Variants in GSE1 observed in about 807,000 individuals in gnomAD.
GSE1 encodes genetic suppressor element 1.
Under a neutral mutation model 112.6 loss-of-function variants are expected in GSE1, and 32 were observed. The observed-to-expected ratio is 0.28, with a 90% confidence interval of 0.21 to 0.38. GSE1 has a LOEUF of 0.38. Among genes scored for constraint, GSE1 ranks in the 10% least tolerant of loss-of-function variants. GSE1 has a pLI of 1.00. For missense variants in GSE1, 2,348 were observed against 1,699.2 expected, an observed-to-expected ratio of 1.38 and a Z score of -6.71; for synonymous variants, 1,115 against 735.6, an observed-to-expected ratio of 1.52 and a Z score of -8.35.
chr16:85,417,398 G>A (rs569436135), intron 2 of GSE1, among the ~76,000 whole-genome samples: 28 of 101,520 alleles, frequency 2.8e-4, no homozygotes, highest in African/African-American at 8.4e-4. Context: ...TGGAAGACCC[G>A]AGCTGGAAGA....
intron 1 of GSE1, among the ~76,000 whole-genome samples, chr16:85,614,419 TC>T (rs986388340): frequency 6.6e-6 from 1 of 152,162 alleles, no homozygotes; most frequent in Non-Finnish European, 1.5e-5. Flanking sequence ...CCCCCAGCTT[TC>T]CGCCTCCCCT....
chr16:85,249,613 C>G (rs1256937076), intron 1 of GSE1, among the ~76,000 whole-genome samples: 2 of 152,228 alleles, frequency 1.3e-5, no homozygotes, highest in Non-Finnish European at 2.9e-5. Flanking sequence ...AGGGCAGAGT[C>G]CTGGGTTCCC....
At chr16:85,533,779 C>T (rs566658775) in intron 2 of GSE1, among the ~76,000 whole-genome samples, 7 of 152,168 alleles carry the variant, frequency 4.6e-5, no homozygotes, top group Admixed American at 1.3e-4. Flanking sequence ...GTGGGAGGAT[C>T]GCTTGAGCCC....
At chr16:85,187,138 G>A (rs1219617193) in intron 1 of GSE1, among the ~76,000 whole-genome samples, 1 of 152,234 alleles carries the variant, frequency 6.6e-6, no homozygotes, top group Non-Finnish European at 1.5e-5. Flanking sequence ...CGGCCAGTGG[G>A]AGCGACTCAG....
chr16:85,639,265 C>T (rs1184536579), intron 2 of GSE1, among the ~76,000 whole-genome samples: 1 of 152,226 alleles, frequency 6.6e-6, no homozygotes, highest in Non-Finnish European at 1.5e-5. Flanking sequence ...CCTCGGGTGG[C>T]ACCGGGTCCT....
chr16:85,198,761 A>G (rs1222750687), intron 1 of GSE1, among the ~76,000 whole-genome samples: 3 of 152,024 alleles, frequency 2.0e-5, no homozygotes, highest in Non-Finnish European at 4.4e-5. Flanking sequence ...TTGAGAAAAT[A>G]TGAGCTAGAG....
At chr16:85,182,915 C>T (rs1161153324) in intron 1 of GSE1, among the ~76,000 whole-genome samples, 4 of 152,206 alleles carry the variant, frequency 2.6e-5, no homozygotes, top group Admixed American at 6.5e-5. Flanking sequence ...ACGCACCTTG[C>T]ACCTCCTTCT....
chr16:85,275,207 C>G (rs78878267), intron 1 of GSE1, among the ~76,000 whole-genome samples: 2,640 of 152,316 alleles, frequency 0.017, 79 homozygotes, highest in African/African-American at 0.061. Context: ...ACTCCCAAAC[C>G]ACAGAGGCCT....
chr16:85,327,082 GGTTTGGGCTT>G (rs1221734888), intron 1 of GSE1, among the ~76,000 whole-genome samples: 1 of 152,226 alleles, frequency 6.6e-6, no homozygotes, highest in African/African-American at 2.4e-5. Flanking sequence ...CTGCTAGATT[GGTTTGGGCTT>G]GTTTCTTTCC....
At chr16:85,656,240 T>G in intron 6 of GSE1, 103 bp from the exon 7 acceptor site, 2 of 1,418,358 alleles carry the variant, frequency 1.4e-6, no homozygotes, top group African/African-American at 1.4e-5. Flanking sequence ...CTGTTCAGAT[T>G]AGCGCCCTGG....
intron 1 of GSE1, among the ~76,000 whole-genome samples, chr16:85,560,493 A>C (rs1372945292): frequency 6.6e-6 from 1 of 152,098 alleles, no homozygotes; most frequent in Non-Finnish European, 1.5e-5. Context: ...CCATGGTTGT[A>C]GCGTCTGCCT....
chr16:85,328,023 C>T (rs1318191966), intron 1 of GSE1, among the ~76,000 whole-genome samples: 1 of 152,238 alleles, frequency 6.6e-6, no homozygotes, highest in Admixed American at 6.5e-5. Context: ...AAGTGGACCC[C>T]CAGGTCATGT....
At chr16:85,349,608 C>T (rs957929326) in intron 1 of GSE1, among the ~76,000 whole-genome samples, 3 of 152,104 alleles carry the variant, frequency 2.0e-5, no homozygotes, top group African/African-American at 7.2e-5. Context: ...CTAGCCAATG[C>T]ACACACCCTG....
chr16:85,428,401 C>T (rs1413884473), intron 2 of GSE1, among the ~76,000 whole-genome samples: 2 of 152,244 alleles, frequency 1.3e-5, no homozygotes, highest in Non-Finnish European at 2.9e-5. Flanking sequence ...TCAGCTCTGC[C>T]ACCTGCTGGC....
At position 85,456,631 on chromosome 16, in the gene GSE1, T is replaced by TGTGC. The variant is rs2049836017; in HGVS notation, c.2464+98991_2464+98992insCGTG. 2.1e-5 allele frequency among the ~76,000 whole-genome samples: 3 copies of TGTGC among 141,322 alleles called. No homozygotes were observed. In the South Asian group the frequency reaches 6.8e-4, roughly 32 times the overall value. The allele number at this position is 141,322 out of a possible 152,430, so 92.7% of individuals were successfully genotyped here. A position where few individuals can be genotyped will look rare whatever the true frequency, so the allele number is the denominator to read the frequency against. On this transcript the variant is annotated intron_variant, in intron 2 of 2. Coordinates refer to the GSE1 transcript ENST00000637419. The stretch of plus-strand genomic sequence containing the variant: ...GTGTGTGTGTGTGTGTGTGTGTGTG[T>TGTGC]GTGTGTGTGGTCTGCCATTTTTGCT...
chr16:85,174,454 C>A (rs1435702527), intron 1 of GSE1, among the ~76,000 whole-genome samples: 1 of 152,224 alleles, frequency 6.6e-6, no homozygotes. Flanking sequence ...AGCCTCAGCT[C>A]TCAGCTCCCA....
intron 2 of GSE1, among the ~76,000 whole-genome samples, chr16:85,528,467 C>T (rs1165640221): frequency 6.8e-6 from 1 of 147,978 alleles, no homozygotes; most frequent in African/African-American, 2.5e-5. Flanking sequence ...GTGTGCACCA[C>T]CACCCCCGGC....
intron 2 of GSE1, among the ~76,000 whole-genome samples, chr16:85,400,104 C>T (rs547120571): frequency 6.6e-6 from 1 of 152,206 alleles, no homozygotes; most frequent in Non-Finnish European, 1.5e-5. Flanking sequence ...GCGTCTTCGC[C>T]GCCACACCGG....
intron 1 of GSE1, among the ~76,000 whole-genome samples, chr16:85,224,036 A>G (rs1039786250): frequency 6.6e-6 from 1 of 152,072 alleles, no homozygotes; most frequent in African/African-American, 2.4e-5. Context: ...CCCCATTATC[A>G]GCACCATTTT....
Sources: allele counts gnomAD v4.1 joint callset (sites outside exome capture counted in the v4.1 genomes callset), GRCh38; gene constraint gnomAD v4.1.1; transcripts MANE v1.5; gene names NCBI Gene and HGNC (gene_info 2026-07-23, HGNC 2026-07-21).